The following ZSCAN25 variants were observed in gnomAD, a reference collection of about 807,000 sequenced individuals.
ZSCAN25 encodes zinc finger and SCAN domain containing 25, also known as zinc finger and SCAN domain-containing protein 25.
ZSCAN25 carries 27 observed loss-of-function variants against 38.7 expected under a neutral mutation model. That is an observed-to-expected ratio of 0.70 (90% CI 0.51 to 0.96). The LOEUF (loss-of-function observed/expected upper bound fraction) is 0.96. Among genes scored for constraint, ZSCAN25 ranks in the 40% least tolerant of loss-of-function variants. The pLI is 0.00. For synonymous variants in ZSCAN25, 273 were observed against 277.7 expected, an observed-to-expected ratio of 0.98 and a Z score of 0.17; for missense variants, 637 against 705.9, an observed-to-expected ratio of 0.90 and a Z score of 1.11.
the ZSCAN25 span, among the ~76,000 whole-genome samples, chr7:99,703,601 C>T: frequency 6.6e-6 from 1 of 152,140 alleles, no homozygotes; most frequent in Non-Finnish European, 1.5e-5. Context: ...TACATCCATT[C>T]CAATCTAATT....
the ZSCAN25 span, chr7:99,705,363 A>T: frequency 2.0e-6 from 2 of 1,000,428 alleles, no homozygotes; most frequent in South Asian, 2.7e-5. Flanking sequence ...ATGCACGTAC[A>T]GAATCCCTGA....
chr7:99,621,115 G>C, intron 4 of ZSCAN25: 1 of 324,042 alleles, frequency 3.1e-6, no homozygotes, highest in Non-Finnish European at 5.6e-6. Flanking sequence ...TAATATTTGG[G>C]CTTGGTGATG....
the ZSCAN25 span, chr7:99,715,554 G>T: frequency 1.2e-6 from 1 of 866,958 alleles, no homozygotes; most frequent in Non-Finnish European, 1.7e-6. Context: ...CTGGCAGGGG[G>T]TTGATAGCTA....
At chr7:99,635,561 A>C (rs1456973426), downstream of ZSCAN25, among the ~76,000 whole-genome samples, 1 of 152,186 alleles carries the variant, frequency 6.6e-6, no homozygotes, top group East Asian at 1.9e-4. Flanking sequence ...CCAAATTTCA[A>C]ATATTTCCTT....
chr7:99,626,162 A>G (rs1807452541), intron 7 of ZSCAN25, among the ~76,000 whole-genome samples: 1 of 152,244 alleles, frequency 6.6e-6, no homozygotes, highest in African/African-American at 2.4e-5. Flanking sequence ...AGAACTCACA[A>G]CAGGATTTGG....
chr7:99,680,728 C>G, the ZSCAN25 span, among the ~76,000 whole-genome samples: 1 of 152,210 alleles, frequency 6.6e-6, no homozygotes, highest in African/African-American at 2.4e-5. Flanking sequence ...AATGCAGCCA[C>G]ACTGTGTCCC....
chr7:99,713,439 C>G, the ZSCAN25 span: 1 of 1,612,756 alleles, frequency 6.2e-7, no homozygotes, highest in Non-Finnish European at 8.5e-7. Flanking sequence ...AGTGCCCCAC[C>G]AGTAGCCCTC....
At chr7:99,679,883 G>T in the ZSCAN25 span, 3 of 1,614,052 alleles carry the variant, frequency 1.9e-6, no homozygotes. Context: ...CGCCAAATTT[G>T]GGATGAGGTC....
the ZSCAN25 span, among the ~76,000 whole-genome samples, chr7:99,656,327 T>A: frequency 6.6e-6 from 1 of 152,272 alleles, no homozygotes; most frequent in East Asian, 1.9e-4. Context: ...TTTCTGCATC[T>A]ATTGAGATAA....
rs757686441 is a variant in ZSCAN25, at chr7:99,619,689, C to A, written c.83C>A (p.Pro28Gln). The change falls in exon 4 of 8, where the codon CCA (proline) becomes CAA (glutamine). Residue 28 changes from proline to glutamine, a missense_variant. Coordinates refer to ENST00000394152, the MANE Select transcript of ZSCAN25 (RefSeq NM_145115.3). ...IPVVKLEKELPWGRGREDPSP... is the reference protein window; with the variant it reads ...IPVVKLEKELQWGRGREDPSP... Reference sequence around the variant, plus strand: ...GTGGTGAAACTGGAGAAAGAGTTGCCATGGGGCAGAGGAAGGGAGGACCCT... The same window carrying A: ...GTGGTGAAACTGGAGAAAGAGTTGCAATGGGGCAGAGGAAGGGAGGACCCT... 1.5e-5 allele frequency: 25 copies of A among 1,614,102 alleles called. No homozygotes were observed. In the African/African-American group the frequency reaches 2.8e-4, roughly 18 times the overall value.
At chr7:99,663,077 A>G in the ZSCAN25 span, 1 of 1,326,044 alleles carries the variant, frequency 7.5e-7, no homozygotes, top group South Asian at 1.8e-5. Context: ...TGTTTTCCTG[A>G]AACAAATCTA....
At chr7:99,623,087 T>C (rs1022356931) in intron 6 of ZSCAN25, among the ~76,000 whole-genome samples, 3 of 152,216 alleles carry the variant, frequency 2.0e-5, no homozygotes, top group Non-Finnish European at 4.4e-5. Context: ...ATTACAGGCA[T>C]GAGCCACCGC....
chr7:99,676,459 T>C, the ZSCAN25 span: 1 of 1,438,192 alleles, frequency 7.0e-7, no homozygotes, highest in Non-Finnish European at 9.3e-7. Context: ...CTGGAGTGAA[T>C]ACTTGATAAA....
chr7:99,693,798 C>A, the ZSCAN25 span, among the ~76,000 whole-genome samples: 19 of 152,216 alleles, frequency 1.2e-4, no homozygotes, highest in African/African-American at 3.9e-4. Flanking sequence ...CTGCCTCAAT[C>A]TTGCTGGGAG....
the ZSCAN25 span, among the ~76,000 whole-genome samples, chr7:99,701,462 T>A: frequency 6.6e-6 from 1 of 152,236 alleles, no homozygotes; most frequent in Non-Finnish European, 1.5e-5. Context: ...TTCTTCCTGG[T>A]TTATACCCAG....
the ZSCAN25 span, among the ~76,000 whole-genome samples, chr7:99,697,635 G>A: frequency 2.0e-5 from 3 of 152,116 alleles, no homozygotes; most frequent in South Asian, 4.1e-4. Context: ...CTTCTATAAT[G>A]GGTAGCACTT....
chr7:99,652,608 C>A, the ZSCAN25 span: 1 of 1,614,014 alleles, frequency 6.2e-7, no homozygotes, highest in Non-Finnish European at 8.5e-7. Context: ...TGGTGAAGAG[C>A]ATAAGTTGGA....
At chr7:99,675,092 A>G in the ZSCAN25 span, among the ~76,000 whole-genome samples, 2 of 152,238 alleles carry the variant, frequency 1.3e-5, no homozygotes, top group African/African-American at 2.4e-5. Context: ...GCAGATTTAG[A>G]TAAGTCTAAG....
At chr7:99,686,758 C>G in the ZSCAN25 span, among the ~76,000 whole-genome samples, 3 of 151,808 alleles carry the variant, frequency 2.0e-5, no homozygotes, top group African/African-American at 4.9e-5. Flanking sequence ...GCACCCCCCC[C>G]CCAGTAGGGG....
Sources: allele counts gnomAD v4.1 joint callset (sites outside exome capture counted in the v4.1 genomes callset), GRCh38; gene constraint gnomAD v4.1.1; transcripts MANE v1.5; gene names NCBI Gene and HGNC (gene_info 2026-07-23, HGNC 2026-07-21).